The following LPGAT1 variants were observed in gnomAD, a reference collection of about 807,000 sequenced individuals.
LPGAT1 encodes acyl-CoA:lysophosphatidylglycerol acyltransferase 1.
Under a neutral mutation model 47.5 loss-of-function variants are expected in LPGAT1, and 11 were observed. That is an observed-to-expected ratio of 0.23 (90% CI 0.15 to 0.38). The LOEUF (loss-of-function observed/expected upper bound fraction) is 0.38. Ranked by LOEUF, LPGAT1 falls within the 10% of genes least tolerant of loss-of-function variation. LPGAT1 has a pLI of 1.00. For missense variants in LPGAT1, 293 were observed against 439.0 expected, an observed-to-expected ratio of 0.67 and a Z score of 2.97; for synonymous variants, 138 against 144.2, an observed-to-expected ratio of 0.96 and a Z score of 0.31.
intron 1 of LPGAT1, 123 bp from the exon 2 acceptor site, chr1:211,829,446 G>C (rs1347868937): frequency 2.5e-5 from 36 of 1,459,186 alleles, no homozygotes; most frequent in Non-Finnish European, 3.1e-5. Flanking sequence ...TCCGGGTGTA[G>C]TACCTCGGTG....
At chr1:211,814,374 A>C (rs1660099654) in intron 2 of LPGAT1, among the ~76,000 whole-genome samples, 1 of 152,322 alleles carries the variant, frequency 6.6e-6, no homozygotes, top group Middle Eastern at 3.4e-3. Flanking sequence ...ATTTTCAAAG[A>C]AACAAAGAAC....
chr1:211,767,612 C>G (rs139852868), intron 6 of LPGAT1, among the ~76,000 whole-genome samples: 1 of 151,640 alleles, frequency 6.6e-6, no homozygotes, highest in African/African-American at 2.4e-5. Flanking sequence ...TGACTGATGG[C>G]GAAAAACATA....
chr1:211,756,367 G>A (rs1657450996), intron 6 of LPGAT1, among the ~76,000 whole-genome samples: 1 of 151,996 alleles, frequency 6.6e-6, no homozygotes, highest in Non-Finnish European at 1.5e-5. Flanking sequence ...GTCTCACTCT[G>A]TCACTCAGGC....
chr1:211,825,512 G>A (rs61828493), intron 2 of LPGAT1, among the ~76,000 whole-genome samples: 1 of 151,948 alleles, frequency 6.6e-6, no homozygotes, highest in Admixed American at 6.6e-5. Context: ...CGGGGGGTGG[G>A]GTACTGATTT....
Position 211,830,537 on chromosome 1 carries a change from C to G in LPGAT1, c.-28+36G>C. On this transcript the variant is annotated intron_variant, in intron 1 of 7. Coordinates refer to ENST00000366997, the MANE Select transcript of LPGAT1 (RefSeq NM_014873.3). The surrounding 1 kb of genome is among the most constrained non-coding windows in gnomAD (Gnocchi z 5.9). ...GCCTCCCCTGGCCCGGCTCCGCTGC[C>G]GCTCTGGGGCCTGCGACCGCGGAGC... 1 of 1,203,378 alleles carries G rather than the reference C, an allele frequency of 8.3e-7. No homozygotes were observed. The highest frequency in any genetic ancestry group is 1.0e-6 in the Non-Finnish European group (1 of 969,630). 74.5% of individuals were successfully genotyped at this position (1,203,378 alleles called of 1,614,324 possible).
chr1:211,751,628 T>C (rs1657190349), intron 6 of LPGAT1, among the ~76,000 whole-genome samples: 1 of 152,152 alleles, frequency 6.6e-6, no homozygotes, highest in African/African-American at 2.4e-5. Flanking sequence ...GACCATGTCC[T>C]GACTCACCAG....
chr1:211,806,659 C>A (rs989631783), intron 2 of LPGAT1, among the ~76,000 whole-genome samples: 1 of 152,084 alleles, frequency 6.6e-6, no homozygotes, highest in Non-Finnish European at 1.5e-5. Context: ...CCCTCTGAAT[C>A]AAAAATTTAA....
chr1:211,826,788 T>C (rs190662737), intron 2 of LPGAT1, among the ~76,000 whole-genome samples: 2 of 152,330 alleles, frequency 1.3e-5, no homozygotes, highest in Non-Finnish European at 2.9e-5. Context: ...CAATTTTTAT[T>C]CTAAAACATG....
chr1:211,786,820 T>C (rs1453978478), intron 4 of LPGAT1, among the ~76,000 whole-genome samples: 1 of 152,202 alleles, frequency 6.6e-6, no homozygotes, highest in Non-Finnish European at 1.5e-5. Context: ...ATCTACTATA[T>C]TATACAACAG....
intron 2 of LPGAT1, among the ~76,000 whole-genome samples, chr1:211,828,185 T>C (rs1293534529): frequency 4.6e-5 from 7 of 152,188 alleles, no homozygotes; most frequent in Non-Finnish European, 1.0e-4. Context: ...AGCCTGCCTA[T>C]CAGGTAGGAA....
At chr1:211,817,869 T>C (rs1431300587) in intron 2 of LPGAT1, among the ~76,000 whole-genome samples, 2 of 152,078 alleles carry the variant, frequency 1.3e-5, no homozygotes, top group Non-Finnish European at 2.9e-5. Flanking sequence ...TCTCACTCTG[T>C]CCAGAGACAG....
At chr1:211,787,854 ACT>A in intron 3 of LPGAT1, 127 bp from the exon 4 acceptor site, 1 of 557,398 alleles carries the variant, frequency 1.8e-6, no homozygotes, top group Non-Finnish European at 3.2e-6. Context: ...CTTAAGTCTA[ACT>A]CTATTTCTAC....
chr1:211,799,542 A>T (rs983746698), intron 2 of LPGAT1, among the ~76,000 whole-genome samples: 1 of 152,228 alleles, frequency 6.6e-6, no homozygotes, highest in Non-Finnish European at 1.5e-5. Flanking sequence ...GCTTCATGTC[A>T]AAGAACCTTA....
chr1:211,804,113 C>G (rs1659671888), intron 2 of LPGAT1, among the ~76,000 whole-genome samples: 1 of 152,124 alleles, frequency 6.6e-6, no homozygotes, highest in Non-Finnish European at 1.5e-5. Flanking sequence ...TACTCTGCTA[C>G]CCAGTTTGGA....
chr1:211,793,742 C>A (rs1284014504), intron 2 of LPGAT1, among the ~76,000 whole-genome samples: 1 of 152,054 alleles, frequency 6.6e-6, no homozygotes, highest in Non-Finnish European at 1.5e-5. Context: ...TATGGTCATA[C>A]CTTTGATCTA....
At chr1:211,765,904 G>A (rs1212507239) in intron 6 of LPGAT1, among the ~76,000 whole-genome samples, 1 of 152,104 alleles carries the variant, frequency 6.6e-6, no homozygotes, top group Non-Finnish European at 1.5e-5. Context: ...CATCTGAATT[G>A]ATGAATTGAG....
chr1:211,823,941 C>CA (rs1161160344), intron 2 of LPGAT1, among the ~76,000 whole-genome samples: 13,140 of 106,876 alleles, frequency 0.12, 599 homozygotes, highest in Middle Eastern at 0.2. Flanking sequence ...ATCTGTCTCT[C>CA]AAAAAAAAAA....
intron 6 of LPGAT1, among the ~76,000 whole-genome samples, chr1:211,755,282 G>A (rs1464936473): frequency 2.0e-5 from 3 of 150,156 alleles, no homozygotes; most frequent in Non-Finnish European, 3.0e-5. Flanking sequence ...ACGTTGCAGT[G>A]AGCCAGGATC....
chr1:211,789,726 C>T (rs542427314), intron 3 of LPGAT1, among the ~76,000 whole-genome samples: 7 of 152,060 alleles, frequency 4.6e-5, no homozygotes, highest in African/African-American at 1.4e-4. Context: ...AAAAATTAGC[C>T]GGGTGTGGTG....
Sources: gnomAD v4.1 joint callset for allele counts (sites outside exome capture counted in the v4.1 genomes callset) on GRCh38, gnomAD v4.1.1 for gene constraint, Gnocchi (gnomAD v3.1) non-coding constraint, MANE v1.5 for transcripts, NCBI Gene and HGNC (gene_info 2026-07-23, HGNC 2026-07-21) for gene names.